The following CHLSN variants were observed in gnomAD, a reference collection of about 807,000 sequenced individuals.
CHLSN encodes cholesin, also known as protein cholesin.
chr7:1,049,952 C>T, the CHLSN span, among the ~76,000 whole-genome samples: 1 of 152,202 alleles, frequency 6.6e-6, no homozygotes, highest in Admixed American at 6.5e-5. Context: ...GCAGCCACCC[C>T]ACCCCACCCC....
chr7:1,080,053 C>G, the CHLSN span, among the ~76,000 whole-genome samples: 2 of 152,230 alleles, frequency 1.3e-5, no homozygotes, highest in Non-Finnish European at 2.9e-5. Context: ...AACCCCTCCT[C>G]CCAGGGAATT....
the CHLSN span, among the ~76,000 whole-genome samples, chr7:1,059,510 C>A: frequency 2.0e-4 from 29 of 143,980 alleles, no homozygotes; most frequent in African/African-American, 7.2e-4. Flanking sequence ...CGTAGTGGGG[C>A]GGGTCTGTAG....
the CHLSN span, chr7:985,146 G>C: frequency 6.3e-7 from 1 of 1,598,982 alleles, no homozygotes; most frequent in South Asian, 1.1e-5. Flanking sequence ...GGACGTGCCT[G>C]AGGCCCGTCT....
the CHLSN span, chr7:1,009,918 G>A: frequency 2.1e-5 from 31 of 1,500,876 alleles, no homozygotes; most frequent in Admixed American, 1.5e-4. Flanking sequence ...ACGCACGTCC[G>A]GGACAGAACC....
At chr7:994,187 T>G in the CHLSN span, among the ~76,000 whole-genome samples, 1,821 of 152,276 alleles carry the variant, frequency 0.012, 15 homozygotes, top group Non-Finnish European at 0.018. Context: ...AGACAGAGTC[T>G]CGCTCTGTCA....
At chr7:1,039,941 A>G in the CHLSN span, among the ~76,000 whole-genome samples, 1 of 92,406 alleles carries the variant, frequency 1.1e-5, no homozygotes, top group African/African-American at 4.3e-5. Context: ...GGGCGGTGCA[A>G]GATGTGCTTT....
At chr7:1,114,822 G>A in the CHLSN span, among the ~76,000 whole-genome samples, 86 of 152,370 alleles carry the variant, frequency 5.6e-4, no homozygotes, top group South Asian at 0.017. Flanking sequence ...GAGGCCCCAC[G>A]GGGCAGGAGG....
the CHLSN span, among the ~76,000 whole-genome samples, chr7:1,072,770 G>GC: frequency 7.3e-6 from 1 of 136,678 alleles, no homozygotes; most frequent in Non-Finnish European, 1.5e-5. Flanking sequence ...TGCAACCTCC[G>GC]CCCCCTGGGT....
chr7:1,026,026 C>T, the CHLSN span: 1 of 152,206 alleles, frequency 6.6e-6, no homozygotes, highest in Admixed American at 6.5e-5. Flanking sequence ...TCCTGGAACT[C>T]GTGACCCCAG....
At chr7:1,019,407 A>G in the CHLSN span, among the ~76,000 whole-genome samples, 18 of 152,298 alleles carry the variant, frequency 1.2e-4, no homozygotes, top group African/African-American at 3.1e-4. Flanking sequence ...CCCACGGTCA[A>G]TGCTGGAAGG....
the CHLSN span, among the ~76,000 whole-genome samples, chr7:1,120,237 A>G: frequency 1.3e-5 from 2 of 152,214 alleles, no homozygotes; most frequent in African/African-American, 2.4e-5. Flanking sequence ...TTAAGAAGCT[A>G]GCAGCACCAC....
the CHLSN span, among the ~76,000 whole-genome samples, chr7:983,007 C>T: frequency 2.6e-5 from 4 of 152,028 alleles, no homozygotes; most frequent in East Asian, 1.9e-4. Flanking sequence ...CTCCCCTCCC[C>T]GGCCCCACCA....
At chr7:1,012,619 G>A in the CHLSN span, among the ~76,000 whole-genome samples, 1 of 152,242 alleles carries the variant, frequency 6.6e-6, no homozygotes, top group Non-Finnish European at 1.5e-5. Flanking sequence ...CACGAGGTGG[G>A]AAGCTCAGGA....
At chr7:985,187 T>C in the CHLSN span, 11 of 1,571,212 alleles carry the variant, frequency 7.0e-6, no homozygotes, top group Non-Finnish European at 9.5e-6. Flanking sequence ...CCGCTGGCCC[T>C]ACTGGGCTGG....
At chr7:1,077,848 G>C in the CHLSN span, 5 of 152,226 alleles carry the variant, frequency 3.3e-5, no homozygotes. Flanking sequence ...TGCCACGGCT[G>C]GCCTTGGGCA....
At chr7:1,019,056 A>G in the CHLSN span, among the ~76,000 whole-genome samples, 34 of 152,112 alleles carry the variant, frequency 2.2e-4, no homozygotes, top group East Asian at 6.2e-3. Flanking sequence ...TTAGCCGGGC[A>G]TGGTGGTGCA....
the CHLSN span, among the ~76,000 whole-genome samples, chr7:992,169 C>T: frequency 2.0e-5 from 3 of 151,746 alleles, no homozygotes; most frequent in Non-Finnish European, 4.4e-5. Context: ...GCAGGAGGGA[C>T]GCCGACCCCG....
At chr7:1,000,555 G>A in the CHLSN span, 16 of 1,602,214 alleles carry the variant, frequency 1.0e-5, no homozygotes, top group African/African-American at 4.0e-5. Flanking sequence ...GGCCCATCTA[G>A]GGAAAGAAAG....
the CHLSN span, among the ~76,000 whole-genome samples, chr7:1,122,064 G>A: frequency 6.6e-6 from 1 of 152,234 alleles, no homozygotes; most frequent in African/African-American, 2.4e-5. Context: ...GCCAGCCACA[G>A]GAAGGGATCC....
Sources: allele counts gnomAD v4.1 joint callset (sites outside exome capture counted in the v4.1 genomes callset), GRCh38; gene constraint gnomAD v4.1.1; transcripts MANE v1.5; gene names NCBI Gene and HGNC (gene_info 2026-07-23, HGNC 2026-07-21).